GPM6A: variants seen among roughly 807,000 people sequenced by gnomAD.
GPM6A encodes the protein glycoprotein M6A.
A neutral mutation model predicts 32.1 loss-of-function variants in GPM6A; 7 were observed. The observed-to-expected ratio is 0.22, with a 90% confidence interval of 0.12 to 0.41. The LOEUF is 0.41. Among genes scored for constraint, GPM6A ranks in the 10% least tolerant of loss-of-function variants. The pLI is 1.00. For missense variants in GPM6A, 235 were observed against 347.2 expected (o/e 0.68, Z 2.57); for synonymous variants, 130 against 123.4 (o/e 1.05, Z -0.35).
intron 4 of GPM6A, among the ~76,000 whole-genome samples, chr4:175,648,915 A>T (rs372548063): frequency 5.9e-5 from 9 of 152,324 alleles, no homozygotes; most frequent in African/African-American, 2.2e-4. Flanking sequence ...TTCCCCATTG[A>T]AAGTAATCTC....
chr4:175,709,600 C>T (rs1745417258), intron 1 of GPM6A, among the ~76,000 whole-genome samples: 1 of 151,676 alleles, frequency 6.6e-6, no homozygotes, highest in Non-Finnish European at 1.5e-5. Context: ...TGGTGGCGCT[C>T]ACTTGTAATC....
chr4:175,688,879 G>T (rs1229045669), intron 2 of GPM6A, among the ~76,000 whole-genome samples: 1 of 152,008 alleles, frequency 6.6e-6, no homozygotes, highest in Non-Finnish European at 1.5e-5. Context: ...TAGAGACAGG[G>T]TGTCACTCTG....
intron 1 of GPM6A, among the ~76,000 whole-genome samples, chr4:175,974,584 G>C (rs1321100642): frequency 1.3e-5 from 2 of 151,380 alleles, no homozygotes; most frequent in African/African-American, 4.9e-5. Flanking sequence ...ACAGCTCCAA[G>C]CTGCTAGGAT....
chr4:175,955,601 T>G (rs1739959457), intron 1 of GPM6A, among the ~76,000 whole-genome samples: 1 of 152,202 alleles, frequency 6.6e-6, no homozygotes, highest in African/African-American at 2.4e-5. Flanking sequence ...AGGTTTTCAG[T>G]TTTATTTATG....
At chr4:175,951,330 G>A (rs747543406) in intron 1 of GPM6A, among the ~76,000 whole-genome samples, 6 of 152,120 alleles carry the variant, frequency 3.9e-5, no homozygotes, top group Non-Finnish European at 8.8e-5. Context: ...TAAATCTGTG[G>A]ATATAGAAGT....
chr4:175,729,548 C>T (rs1178143177), intron 1 of GPM6A, among the ~76,000 whole-genome samples: 2 of 151,826 alleles, frequency 1.3e-5, no homozygotes, highest in East Asian at 1.9e-4. Flanking sequence ...AGGATGACTA[C>T]AGTAAAAAAT....
rs1437091923 is a variant in GPM6A, at chr4:175,637,671, TATAATATA to T, written c.684+2450_684+2457del. ...TATAAAATATAAAATATATAATATA[TATAATATA>T]TATATAATATATAATATATTATATA... On this transcript the variant is annotated intron_variant, in intron 6 of 6. Coordinates refer to ENST00000393658, the MANE Select transcript of GPM6A (RefSeq NM_201591.3). Among the ~76,000 whole-genome samples, 109 of 7,666 alleles carry T rather than the reference TATAATATA, an allele frequency of 0.014. 7 individuals are homozygous for T. The East Asian group carries it at 0.37, about 26-fold the overall frequency. 5.0% of individuals were successfully genotyped at this position (7,666 alleles called of 152,430 possible).
chr4:175,957,034 G>T (rs114846247), intron 1 of GPM6A, among the ~76,000 whole-genome samples: 1 of 152,082 alleles, frequency 6.6e-6, no homozygotes, highest in Non-Finnish European at 1.5e-5. Context: ...TCATATAAGC[G>T]TAGGGAAAAA....
At chr4:175,976,562 A>G (rs1204670914) in intron 1 of GPM6A, among the ~76,000 whole-genome samples, 3 of 152,134 alleles carry the variant, frequency 2.0e-5, no homozygotes, top group Non-Finnish European at 2.9e-5. Flanking sequence ...TAGTGTAACA[A>G]TGTGGTTCAG....
At chr4:175,717,671 T>C (rs755127993) in intron 1 of GPM6A, among the ~76,000 whole-genome samples, 5 of 152,216 alleles carry the variant, frequency 3.3e-5, no homozygotes, top group Admixed American at 1.3e-4. Context: ...AGAGGACCAG[T>C]TGATAAGATT....
intron 1 of GPM6A, among the ~76,000 whole-genome samples, chr4:175,747,512 C>T (rs1271992175): frequency 6.6e-6 from 1 of 152,098 alleles, no homozygotes; most frequent in Non-Finnish European, 1.5e-5. Flanking sequence ...TAAAGTGAGT[C>T]ACACACATAT....
intron 1 of GPM6A, among the ~76,000 whole-genome samples, chr4:175,728,745 C>T (rs763041099): frequency 6.6e-6 from 1 of 152,174 alleles, no homozygotes; most frequent in African/African-American, 2.4e-5. Flanking sequence ...TGTTGCATTT[C>T]CCCTAGCCCT....
In GPM6A at chr4:175,974,420, A is replaced by G. The variant is rs1015511811; in HGVS notation, c.-23+27889T>C. ...ACCCAGGCTAGAGGACAGTTGCCCC[A>G]TGTCAGTTCACTGCAGCCTCCACCT... On this transcript the variant is annotated intron_variant, in intron 1 of 7. Coordinates refer to the GPM6A transcript ENST00000280187. Among the ~76,000 whole-genome samples, 2 of 152,104 alleles carry G rather than the reference A, an allele frequency of 1.3e-5. 1 individual carries two copies.
intron 1 of GPM6A, among the ~76,000 whole-genome samples, chr4:175,957,479 C>T (rs1442176955): frequency 6.6e-6 from 1 of 150,632 alleles, no homozygotes; most frequent in Non-Finnish European, 1.5e-5. Context: ...AACCAAATGC[C>T]ACATGTTCTC....
In GPM6A at chr4:175,933,717, T is replaced by G. The variant is rs540589850; in HGVS notation, c.-23+68592A>C. On this transcript the variant is annotated intron_variant, in intron 1 of 7. Transcript: ENST00000280187. ...GCCACCATGCCCGGCTAATTTTTTTTGTATTTTTAGTGGAGACAGGGTTTC... is the reference window on the plus strand; with the variant it reads ...GCCACCATGCCCGGCTAATTTTTTTGGTATTTTTAGTGGAGACAGGGTTTC... Among the ~76,000 whole-genome samples, 3 of 152,314 alleles carry G rather than the reference T, an allele frequency of 2.0e-5. No individual in the cohort carries two copies. The South Asian group carries it at 6.2e-4, about 32-fold the overall frequency.
chr4:175,726,036 A>G (rs979385314), intron 1 of GPM6A, among the ~76,000 whole-genome samples: 1 of 127,452 alleles, frequency 7.8e-6, no homozygotes, highest in African/African-American at 3.0e-5. Flanking sequence ...ACTGTTGTCC[A>G]GGCTGGAGTG....
intron 1 of GPM6A, among the ~76,000 whole-genome samples, chr4:175,884,452 G>T (rs1737385247): frequency 6.6e-6 from 1 of 152,100 alleles, no homozygotes; most frequent in Admixed American, 6.6e-5. Flanking sequence ...ATAAGGCAAA[G>T]ACCACTCTTA....
chr4:175,688,915 C>A (rs934500525), intron 2 of GPM6A, among the ~76,000 whole-genome samples: 1 of 152,082 alleles, frequency 6.6e-6, no homozygotes, highest in South Asian at 2.1e-4. Context: ...TGTAGCGGTG[C>A]AATCATAGCT....
intron 1 of GPM6A, among the ~76,000 whole-genome samples, chr4:175,715,375 A>G (rs933351269): frequency 6.6e-6 from 1 of 152,198 alleles, no homozygotes; most frequent in Admixed American, 6.5e-5. Flanking sequence ...GCAGCCAGAA[A>G]GTGAATAGGT....
Sources: allele counts gnomAD v4.1 joint callset (sites outside exome capture counted in the v4.1 genomes callset), GRCh38; gene constraint gnomAD v4.1.1; transcripts MANE v1.5; gene names NCBI Gene and HGNC (gene_info 2026-07-23, HGNC 2026-07-21).